The following BLM variants were observed in gnomAD, a reference collection of about 807,000 sequenced individuals.
The protein encoded by BLM is recQ-like DNA helicase BLM.
A neutral mutation model predicts 135.3 loss-of-function variants in BLM; 95 were observed. The ratio of observed to expected loss-of-function variants is 0.70; its 90% confidence interval spans 0.59 to 0.83. The LOEUF is 0.83. BLM is among the 40% of genes least tolerant of loss of function. BLM has a pLI of 0.00. For missense variants in BLM, 1,518 were observed against 1,663.9 expected (o/e 0.91, Z 1.53); for synonymous variants, 520 against 589.2 (o/e 0.88, Z 1.70).
intron 2 of BLM, among the ~76,000 whole-genome samples, chr15:90,748,409 A>G (rs1895567524): frequency 6.6e-6 from 1 of 152,102 alleles, no homozygotes; most frequent in South Asian, 2.1e-4. Flanking sequence ...CGCCCGGCCA[A>G]TTATTTTAAT....
chr15:90,772,882 G>C (rs532703356), intron 12 of BLM, among the ~76,000 whole-genome samples: 1 of 152,112 alleles, frequency 6.6e-6, no homozygotes, highest in South Asian at 2.1e-4. Flanking sequence ...CGGATCACCT[G>C]AGGTCACGAG....
intron 1 of BLM, among the ~76,000 whole-genome samples, chr15:90,719,935 A>G (rs1596192233): frequency 6.6e-6 from 1 of 152,256 alleles, no homozygotes; most frequent in East Asian, 1.9e-4. Context: ...TCGCTAACAC[A>G]TACTATTCTA....
intron 19 of BLM, chr15:90,808,876 C>G (rs1358264572): frequency 5.6e-6 from 3 of 536,388 alleles, no homozygotes; most frequent in African/African-American, 3.8e-5. Flanking sequence ...AGGTCCCACC[C>G]TCAGCTTCCT....
chr15:90,742,086 T>C (rs1370841776), intron 1 of BLM, among the ~76,000 whole-genome samples: 2 of 152,186 alleles, frequency 1.3e-5, no homozygotes, highest in Non-Finnish European at 2.9e-5. Context: ...CTGTCAAAAA[T>C]CTCTCTTTGT....
At chr15:90,795,782 A>G (rs2283449) in intron 16 of BLM, among the ~76,000 whole-genome samples, 56,627 of 152,058 alleles carry the variant, frequency 0.37, 12,028 homozygotes, top group African/African-American at 0.59. Flanking sequence ...ATAAATATAC[A>G]TGAAAGGATA....
chr15:90,750,229 G>A (rs912137457), intron 3 of BLM, among the ~76,000 whole-genome samples, 162 bp downstream of exon 3: 1 of 152,154 alleles, frequency 6.6e-6, no homozygotes, highest in Non-Finnish European at 1.5e-5. Context: ...TTTGAGGCAG[G>A]ACGTACTGAT....
intron 1 of BLM, among the ~76,000 whole-genome samples, chr15:90,732,362 G>T (rs1428967111): frequency 6.6e-6 from 1 of 151,790 alleles, no homozygotes; most frequent in East Asian, 1.9e-4. Flanking sequence ...CATAAAAATA[G>T]TTCATATATT....
chr15:90,733,837 C>T (rs1318107967), intron 1 of BLM, among the ~76,000 whole-genome samples: 1 of 152,188 alleles, frequency 6.6e-6, no homozygotes, highest in East Asian at 1.9e-4. Flanking sequence ...GTTTCTGTCA[C>T]TGTAGAATAA....
At chr15:90,730,542 C>T (rs937515222) in intron 1 of BLM, among the ~76,000 whole-genome samples, 9 of 151,954 alleles carry the variant, frequency 5.9e-5, no homozygotes, top group African/African-American at 9.7e-5. Context: ...TTCCGCCTCC[C>T]GGTTCAAGTG....
chr15:90,738,255 C>G (rs1247862906), intron 1 of BLM, among the ~76,000 whole-genome samples: 1 of 152,186 alleles, frequency 6.6e-6, no homozygotes, highest in Non-Finnish European at 1.5e-5. Flanking sequence ...CAATTTTCCT[C>G]AAGCTCTTCC....
At chr15:90,799,032 G>T (rs1897100858) in intron 17 of BLM, among the ~76,000 whole-genome samples, 1 of 151,128 alleles carries the variant, frequency 6.6e-6, no homozygotes, top group Non-Finnish European at 1.5e-5. Flanking sequence ...AGGTGTGGTG[G>T]TGGGCACCTG....
At chr15:90,751,743 A>G (rs770663535) in intron 3 of BLM, 44 bp from the exon 4 acceptor site, 2 of 1,547,864 alleles carry the variant, frequency 1.3e-6, no homozygotes, top group Non-Finnish European at 1.8e-6. Flanking sequence ...TTTCTGTCTC[A>G]TTAGTGGTTA....
intron 1 of BLM, among the ~76,000 whole-genome samples, chr15:90,729,971 A>C (rs1895023476): frequency 6.6e-6 from 1 of 151,810 alleles, no homozygotes; most frequent in Non-Finnish European, 1.5e-5. Context: ...TCAACCTCCC[A>C]AGTAGCTGGG....
At chr15:90,798,977 G>A (rs914107105) in intron 17 of BLM, among the ~76,000 whole-genome samples, 2 of 148,732 alleles carry the variant, frequency 1.3e-5, no homozygotes, top group African/African-American at 2.5e-5. Context: ...GAGTGAAACT[G>A]TGTCTCAAAA....
intron 14 of BLM, among the ~76,000 whole-genome samples, chr15:90,788,778 G>C (rs1433021123): frequency 6.6e-6 from 1 of 151,810 alleles, no homozygotes; most frequent in South Asian, 2.1e-4. Flanking sequence ...TTCAAGACCA[G>C]CCCAGGCAAC....
chr15:90,789,457 C>T (rs915019236), intron 14 of BLM, among the ~76,000 whole-genome samples: 8 of 152,150 alleles, frequency 5.3e-5, no homozygotes, highest in African/African-American at 1.7e-4. Context: ...GTCATGCTTC[C>T]GGACCTGTCG....
At chr15:90,747,520 T>C (rs8030187) in intron 2 of BLM, 30 bp downstream of exon 2, 2 of 1,396,174 alleles carry the variant, frequency 1.4e-6, no homozygotes, top group Admixed American at 1.8e-5. Context: ...TGCTGTCACA[T>C]AGGCACTAAC....
chr15:90,728,702 G>A (rs1395693981), intron 1 of BLM, among the ~76,000 whole-genome samples: 1 of 151,960 alleles, frequency 6.6e-6, no homozygotes, highest in East Asian at 1.9e-4. Flanking sequence ...CACTGCACCC[G>A]GCCGGGTATT....
intron 19 of BLM, among the ~76,000 whole-genome samples, chr15:90,805,969 C>T (rs1014458671): frequency 1.8e-4 from 27 of 152,232 alleles, no homozygotes; most frequent in African/African-American, 6.3e-4. Flanking sequence ...CCTGCCTCAA[C>T]CTCCCGAGTA....
Sources: allele counts gnomAD v4.1 joint callset (sites outside exome capture counted in the v4.1 genomes callset), GRCh38; gene constraint gnomAD v4.1.1; transcripts MANE v1.5; gene names NCBI Gene and HGNC (gene_info 2026-07-23, HGNC 2026-07-21).